DOCK3: variants seen among roughly 807,000 people sequenced by gnomAD.
DOCK3 encodes dedicator of cytokinesis protein 3.
In DOCK3, 60 loss-of-function variants were observed where a neutral mutation model predicts 265.6. The observed-to-expected ratio is 0.23, with a 90% CI of 0.18 to 0.28. The LOEUF (loss-of-function observed/expected upper bound fraction) is 0.28, where lower values mean the gene tolerates loss of function less well. Ranked by LOEUF, DOCK3 falls within the 10% of genes least tolerant of loss-of-function variation. DOCK3 has a pLI of 1.00. For missense variants in DOCK3, 1,981 were observed against 2,594.3 expected, an observed-to-expected ratio of 0.76 and a Z score of 5.14; for synonymous variants, 881 against 938.0, an observed-to-expected ratio of 0.94 and a Z score of 1.11.
At chr3:50,979,273 G>C (rs1416463792) in intron 5 of DOCK3, among the ~76,000 whole-genome samples, 1 of 152,062 alleles carries the variant, frequency 6.6e-6, no homozygotes, top group Admixed American at 6.6e-5. Flanking sequence ...TTTATTTCTA[G>C]GTTTTTAATT....
At chr3:50,778,532 G>T in intron 1 of DOCK3, 143 bp from the exon 2 acceptor site, 1 of 557,326 alleles carries the variant, frequency 1.8e-6, no homozygotes, top group Admixed American at 3.1e-5. Flanking sequence ...AGATTAAATG[G>T]AAAGGGGCTT....
intron 3 of DOCK3, chr3:50,863,475 A>G (rs754124665): frequency 5.8e-6 from 3 of 518,910 alleles, no homozygotes; most frequent in East Asian, 5.5e-5. Flanking sequence ...GGGTGAGTGC[A>G]GCAGAGAAGT....
chr3:50,870,367 ACTT>A (rs1214388902), intron 3 of DOCK3, among the ~76,000 whole-genome samples: 4 of 152,188 alleles, frequency 2.6e-5, no homozygotes, highest in Non-Finnish European at 4.4e-5. Flanking sequence ...TATATAGTGT[ACTT>A]CTTCAACTCT....
At chr3:51,332,345 A>T (rs563479461) in intron 33 of DOCK3, among the ~76,000 whole-genome samples, 1 of 152,248 alleles carries the variant, frequency 6.6e-6, no homozygotes, top group East Asian at 1.9e-4. Flanking sequence ...TGGAGAAGCC[A>T]GGGGCTGCCC....
chr3:50,823,419 C>G (rs564311996), intron 2 of DOCK3, among the ~76,000 whole-genome samples: 8 of 152,186 alleles, frequency 5.3e-5, no homozygotes, highest in Non-Finnish European at 1.2e-4. Context: ...ACATCTTGCA[C>G]CGCCCTTAAT....
intron 26 of DOCK3, 62 bp downstream of exon 26, chr3:51,277,816 C>G (rs550551100): frequency 1.1e-5 from 17 of 1,561,048 alleles, no homozygotes; most frequent in Non-Finnish European, 1.5e-5. Context: ...CTCCACAACA[C>G]TCCCCCTCCA....
chr3:51,134,617 A>G (rs1488763543), intron 9 of DOCK3, among the ~76,000 whole-genome samples: 5 of 152,182 alleles, frequency 3.3e-5, no homozygotes, highest in African/African-American at 1.2e-4. Flanking sequence ...GTCAGAGTAC[A>G]TGTAGGTAAT....
chr3:50,710,574 G>A (rs1448535268), intron 1 of DOCK3, among the ~76,000 whole-genome samples: 1 of 152,190 alleles, frequency 6.6e-6, no homozygotes, highest in Non-Finnish European at 1.5e-5. Flanking sequence ...ATGTAAACTA[G>A]TACAACCACT....
intron 10 of DOCK3, among the ~76,000 whole-genome samples, chr3:51,155,136 T>G (rs1307136958): frequency 2.6e-5 from 4 of 151,868 alleles, no homozygotes; most frequent in Non-Finnish European, 5.9e-5. Flanking sequence ...ACACCATGCT[T>G]GGCTAATTTT....
chr3:50,737,701 C>T (rs1468370853), intron 1 of DOCK3, among the ~76,000 whole-genome samples: 1 of 152,030 alleles, frequency 6.6e-6, no homozygotes, highest in Non-Finnish European at 1.5e-5. Flanking sequence ...TGAGTGTGCT[C>T]CCTATGGAAT....
chr3:50,973,454 C>A (rs2077321464), intron 5 of DOCK3, among the ~76,000 whole-genome samples: 1 of 141,692 alleles, frequency 7.1e-6, no homozygotes, highest in Non-Finnish European at 1.5e-5. Flanking sequence ...CATGTCCCTA[C>A]AAAGGACATG....
chr3:51,083,238 A>G (rs1398630399), intron 7 of DOCK3, among the ~76,000 whole-genome samples: 1 of 152,178 alleles, frequency 6.6e-6, no homozygotes, highest in Non-Finnish European at 1.5e-5. Flanking sequence ...TACTGCACTC[A>G]CCTAGAATCA....
At chr3:50,990,834 C>A (rs184421818) in intron 5 of DOCK3, among the ~76,000 whole-genome samples, 1 of 152,244 alleles carries the variant, frequency 6.6e-6, no homozygotes, top group East Asian at 1.9e-4. Flanking sequence ...GCCGTGCTGG[C>A]AGCTGATTAG....
intron 5 of DOCK3, among the ~76,000 whole-genome samples, chr3:50,999,086 G>A (rs942499680): frequency 4.6e-5 from 7 of 152,094 alleles, no homozygotes; most frequent in African/African-American, 1.7e-4. Flanking sequence ...AGCATTTATT[G>A]CTATCAGTGA....
At chr3:51,340,109 A>C (rs908424267) in intron 37 of DOCK3, among the ~76,000 whole-genome samples, 4 of 152,194 alleles carry the variant, frequency 2.6e-5, no homozygotes, top group African/African-American at 9.7e-5. Context: ...GAGGGCATTG[A>C]AGAGAAAGAC....
chr3:51,240,702 A>G (rs2078576512), intron 21 of DOCK3, among the ~76,000 whole-genome samples: 1 of 152,038 alleles, frequency 6.6e-6, no homozygotes, highest in African/African-American at 2.4e-5. Flanking sequence ...TGTCTTTTGC[A>G]GTCTTTGTTG....
At chr3:51,256,084 C>G (rs1239805489) in intron 22 of DOCK3, among the ~76,000 whole-genome samples, 2 of 152,090 alleles carry the variant, frequency 1.3e-5, no homozygotes, top group Non-Finnish European at 2.9e-5. Context: ...AGTTTTCCTT[C>G]TAACAGTCAG....
chr3:50,832,746 G>A, intron 2 of DOCK3, among the ~76,000 whole-genome samples: 1 of 152,132 alleles, frequency 6.6e-6, no homozygotes, highest in East Asian at 1.9e-4. Context: ...GGTTAGTAGA[G>A]GGATGAAGAT....
chr3:50,969,019 G>A (rs1189378768), intron 5 of DOCK3, among the ~76,000 whole-genome samples: 2 of 152,176 alleles, frequency 1.3e-5, no homozygotes, highest in Non-Finnish European at 2.9e-5. Flanking sequence ...TCCAATTTAA[G>A]TCCAGGATTT....
Sources: allele counts gnomAD v4.1 joint callset (sites outside exome capture counted in the v4.1 genomes callset), GRCh38; gene constraint gnomAD v4.1.1; transcripts MANE v1.5; gene names NCBI Gene and HGNC (gene_info 2026-07-23, HGNC 2026-07-21).